Variants in PDE3B observed in about 807,000 individuals in gnomAD.
PDE3B encodes the protein phosphodiesterase 3B, also known as cGMP-inhibited 3',5'-cyclic phosphodiesterase 3B.
In PDE3B, 66 loss-of-function variants were observed where a neutral mutation model predicts 116.8. That is an observed-to-expected ratio of 0.56 (90% CI 0.46 to 0.69). The LOEUF (loss-of-function observed/expected upper bound fraction) is 0.69. PDE3B is among the 30% of genes least tolerant of loss of function. The probability of loss-of-function intolerance (pLI) is 0.00; values close to 1 mark genes in which losing one functional copy is unlikely to be tolerated. For synonymous variants in PDE3B, 595 were observed against 533.6 expected (o/e 1.12, Z -1.59); for missense variants, 1,384 against 1,368.1 (o/e 1.01, Z -0.18).
the PDE3B span, among the ~76,000 whole-genome samples, chr11:14,882,480 C>CTAGTAGGA: frequency 1.3e-5 from 2 of 152,048 alleles, no homozygotes; most frequent in Non-Finnish European, 2.9e-5. Flanking sequence ...GATATATACA[C>CTAGTAGGA]AAGAAGGTAC....
At chr11:14,843,785 A>G (rs374553728) in intron 11 of PDE3B, 42 bp from the exon 12 acceptor site, 36 of 1,477,512 alleles carry the variant, frequency 2.4e-5, no homozygotes, top group Non-Finnish European at 3.3e-5. Context: ...TGAGGAATTT[A>G]TGTGCTAATG....
At position 14,843,212 on chromosome 11, in the gene PDE3B, T is replaced by C. The variant is rs1029226159; in HGVS notation, c.2321-615T>C. Among the ~76,000 whole-genome samples, 3 of 152,282 alleles carry C rather than the reference T, an allele frequency of 2.0e-5. No homozygotes were observed. In the South Asian group the frequency reaches 6.2e-4, roughly 32 times the overall value. On this transcript the variant is annotated intron_variant, in intron 11 of 15. Coordinates refer to ENST00000282096, the MANE Select transcript of PDE3B (RefSeq NM_000922.4). ...ATTGTTTCTAAGAAGAGGATAAAAA[T>C]AGAGTTATGTTGACTGAGATGTTCC...
Position 14,861,812 on chromosome 11 carries a change from C to T in PDE3B, c.2886+446C>T, listed in dbSNP as rs1847956338. ...ACTTGGAAGAAGGCCAGGCGGGCAA[C>T]CTAAGAGATCAAGTGCATGGTTTGA... On this transcript the variant is annotated intron_variant, in intron 14 of 15. Transcript: ENST00000282096. 5.3e-5 allele frequency among the ~76,000 whole-genome samples: 8 copies of T among 152,310 alleles called. No individual in the cohort carries two copies. In the South Asian group the frequency reaches 1.7e-3, roughly 32 times the overall value.
At chr11:14,680,078 G>A (rs1472422113) in intron 1 of PDE3B, among the ~76,000 whole-genome samples, 1 of 152,158 alleles carries the variant, frequency 6.6e-6, no homozygotes, top group Non-Finnish European at 1.5e-5. Flanking sequence ...AGCGGCACTG[G>A]TGCCCACGTA....
intron 1 of PDE3B, chr11:14,674,296 C>G (rs1382461900): frequency 9.6e-7 from 1 of 1,042,954 alleles, no homozygotes; most frequent in Non-Finnish European, 1.5e-6. Flanking sequence ...TATCGTCTTC[C>G]CCTCTGCATA....
intron 4 of PDE3B, among the ~76,000 whole-genome samples, chr11:14,790,496 T>C (rs905669146): frequency 1.3e-5 from 2 of 152,106 alleles, no homozygotes; most frequent in Non-Finnish European, 2.9e-5. Context: ...CATACTGATG[T>C]AACAGCAATG....
Position 14,831,889 on chromosome 11 carries a change from T to A in PDE3B, c.2094+112T>A, listed in dbSNP as rs1037552196. 36 of 638,812 alleles carry A rather than the reference T, an allele frequency of 5.6e-5. No homozygotes were observed. The Admixed American group carries it at 6.2e-4, about 11-fold the overall frequency. The allele number at this position is 638,812 out of a possible 1,614,324, so 39.6% of individuals were successfully genotyped here. On this transcript the variant is annotated intron_variant, in intron 9 of 15. Transcript: ENST00000282096. ...AGCACTAGTTCAACAATGACATTGTTCATTATTTTTTTCAGAAAAAAATAA... is the reference window on the plus strand; with the variant it reads ...AGCACTAGTTCAACAATGACATTGTACATTATTTTTTTCAGAAAAAAATAA...
At chr11:14,740,356 C>A (rs1590106161) in intron 1 of PDE3B, among the ~76,000 whole-genome samples, 1 of 152,138 alleles carries the variant, frequency 6.6e-6, no homozygotes, top group Non-Finnish European at 1.5e-5. Context: ...GGGAATTTAT[C>A]CATTTCTTCT....
intron 1 of PDE3B, among the ~76,000 whole-genome samples, chr11:14,739,221 C>T (rs1432932053): frequency 6.6e-6 from 1 of 152,192 alleles, no homozygotes; most frequent in Non-Finnish European, 1.5e-5. Flanking sequence ...AATATTGATT[C>T]TTCCTAACCA....
At chr11:14,669,286 C>A (rs1297056939) in intron 1 of PDE3B, among the ~76,000 whole-genome samples, 1 of 151,880 alleles carries the variant, frequency 6.6e-6, no homozygotes, top group Non-Finnish European at 1.5e-5. Context: ...AGAATAACTA[C>A]CCCAGGCTCA....
At chr11:14,731,672 T>C (rs995591876) in intron 1 of PDE3B, among the ~76,000 whole-genome samples, 1 of 152,232 alleles carries the variant, frequency 6.6e-6, no homozygotes, top group Non-Finnish European at 1.5e-5. Context: ...GGCTATAGTT[T>C]AGTTCTCACA....
At chr11:14,829,836 C>A (rs1859814378) in intron 7 of PDE3B, among the ~76,000 whole-genome samples, 1 of 152,068 alleles carries the variant, frequency 6.6e-6, no homozygotes, top group South Asian at 2.1e-4. Context: ...TACCCCTGAA[C>A]CTAAGATAAA....
intron 11 of PDE3B, among the ~76,000 whole-genome samples, chr11:14,841,349 A>C (rs139983808): frequency 0.029 from 4,275 of 146,534 alleles, 87 homozygotes; most frequent in African/African-American, 0.055. Flanking sequence ...CTCTCTCTCT[A>C]TATATATATA....
chr11:14,681,622 C>T (rs1337779869), intron 1 of PDE3B, among the ~76,000 whole-genome samples: 1 of 152,102 alleles, frequency 6.6e-6, no homozygotes, highest in African/African-American at 2.4e-5. Flanking sequence ...GTAAGTTGTA[C>T]CATCATAGGT....
intron 1 of PDE3B, among the ~76,000 whole-genome samples, chr11:14,653,852 GC>G (rs1437781053): frequency 6.6e-6 from 1 of 152,046 alleles, no homozygotes; most frequent in Non-Finnish European, 1.5e-5. Context: ...CAAAATATTA[GC>G]TAGGCATGGT....
chr11:14,705,866 T>C (rs1182496583), intron 1 of PDE3B, among the ~76,000 whole-genome samples: 4 of 151,888 alleles, frequency 2.6e-5, no homozygotes, highest in African/African-American at 9.7e-5. Context: ...ACAGTTACTT[T>C]CTGCTGTGTA....
At chr11:14,736,580 T>C (rs1018238861) in intron 1 of PDE3B, among the ~76,000 whole-genome samples, 4 of 152,214 alleles carry the variant, frequency 2.6e-5, no homozygotes, top group Non-Finnish European at 5.9e-5. Flanking sequence ...GAAAAGTACT[T>C]GATTGATTGT....
chr11:14,861,287 C>A lies in PDE3B; in HGVS notation c.2807C>A (p.Ala936Glu). The A allele has an allele frequency of 4.3e-6, 7 of 1,613,342 alleles. No individual in the cohort carries two copies. Among genetic ancestry groups the A allele is most frequent in the Non-Finnish European group, 5.9e-6 (7 of 1,179,410 alleles). Residue 936 changes from alanine (A) to glutamate (E), a missense_variant, in exon 14 of 16, where the codon GCA becomes GAA. Ala to Glu is a moderately radical substitution (Grantham distance 107, BLOSUM62 -1). This residue lies in a region of PDE3B where 428 missense variants were observed against 561.4 expected (regional missense o/e 0.76). Transcript: ENST00000282096. Reference sequence around the variant, plus strand: ...GTATGCCAGGTGTGCATCAAACTGGCAGATATAAATGGCCCAGCAAAAGTT... The same window carrying A: ...GTATGCCAGGTGTGCATCAAACTGGAAGATATAAATGGCCCAGCAAAAGTT... ...LLVCQVCIKL[A>E]DINGPAKVRD... is the part of the protein sequence containing the mutation.
chr11:14,666,488 G>A (rs1482851200), intron 1 of PDE3B, among the ~76,000 whole-genome samples: 1 of 149,968 alleles, frequency 6.7e-6, no homozygotes, highest in African/African-American at 2.4e-5. Flanking sequence ...CCATCAGAGT[G>A]AACAGGCAAC....
Sources: allele counts gnomAD v4.1 joint callset (sites outside exome capture counted in the v4.1 genomes callset), GRCh38; gene constraint gnomAD v4.1.1; regional missense constraint gnomAD v4.1.1; transcripts MANE v1.5; gene names NCBI Gene and HGNC (gene_info 2026-07-23, HGNC 2026-07-21).